Variants in KIF18A observed in about 807,000 individuals in gnomAD.
KIF18A encodes the protein kinesin family member 18A.
A neutral mutation model predicts 103.3 loss-of-function variants in KIF18A; 67 were observed. The observed-to-expected ratio is 0.65, with a 90% CI of 0.53 to 0.79. KIF18A has a LOEUF of 0.79. KIF18A is among the 30% of genes least tolerant of loss of function. KIF18A has a pLI of 0.00. For missense variants in KIF18A, 1,032 were observed against 1,062.5 expected (o/e 0.97, Z 0.40); for synonymous variants, 367 against 355.5 (o/e 1.03, Z -0.36).
chr11:28,064,072 T>A (rs1428748578), intron 11 of KIF18A, among the ~76,000 whole-genome samples: 1 of 151,282 alleles, frequency 6.6e-6, no homozygotes, highest in Non-Finnish European at 1.5e-5. Flanking sequence ...GTTATTTATA[T>A]ATATTAAAGT....
intron 1 of KIF18A, among the ~76,000 whole-genome samples, chr11:28,107,376 T>TA (rs201819577): frequency 2.2e-3 from 307 of 136,590 alleles, no homozygotes; most frequent in Middle Eastern, 3.8e-3. Flanking sequence ...AATGAGCTCC[T>TA]AAAAAAAAAA....
chr11:28,076,940 A>AAT, intron 10 of KIF18A, 67 bp downstream of exon 10: 1 of 791,914 alleles, frequency 1.3e-6, no homozygotes, highest in Non-Finnish European at 1.8e-6. Context: ...CTTCTGAAAA[A>AAT]AAAAAAAAAA....
chr11:28,083,747 G>A (rs1851194470), intron 7 of KIF18A, among the ~76,000 whole-genome samples: 2 of 152,086 alleles, frequency 1.3e-5, no homozygotes, highest in Admixed American at 6.6e-5. Flanking sequence ...TTACTCATCT[G>A]TAAAGTGGAG....
At chr11:28,029,895 CAGAG>C (rs1317324426) in intron 15 of KIF18A, among the ~76,000 whole-genome samples, 3 of 96,758 alleles carry the variant, frequency 3.1e-5, no homozygotes, top group African/African-American at 1.2e-4. Context: ...AACAGACAAA[CAGAG>C]AGACAAATCA....
rs113347800 is a variant in KIF18A, at chr11:28,074,983, T to C, written c.1425+2024A>G. Among the ~76,000 whole-genome samples the C allele has an allele frequency of 3.3e-5, 5 of 152,302 alleles. 1 individual carries two copies. Among genetic ancestry groups the C allele is most frequent in the African/African-American group, 1.2e-4 (5 of 41,570 alleles). On this transcript the variant is annotated intron_variant, in intron 10 of 16. Transcript: ENST00000263181. ...TATTTTTCTGATCTTTGGTGCTCCGTAGTTTCACACGTTTAGGTATATATT... is the reference window on the plus strand; with the variant it reads ...TATTTTTCTGATCTTTGGTGCTCCGCAGTTTCACACGTTTAGGTATATATT...
intron 13 of KIF18A, among the ~76,000 whole-genome samples, chr11:28,055,958 C>A (rs533270573): frequency 2.0e-5 from 3 of 152,162 alleles, no homozygotes; most frequent in African/African-American, 7.2e-5. Context: ...TACTAAAATT[C>A]ATGGATGCTC....
intron 13 of KIF18A, among the ~76,000 whole-genome samples, chr11:28,054,381 T>G (rs1850751770): frequency 6.6e-6 from 1 of 152,114 alleles, no homozygotes; most frequent in Non-Finnish European, 1.5e-5. Flanking sequence ...TTGCCAAGTT[T>G]TGTATTTTTT....
intron 13 of KIF18A, among the ~76,000 whole-genome samples, chr11:28,050,668 GATA>G (rs1263031143): frequency 6.6e-6 from 1 of 151,730 alleles, no homozygotes; most frequent in African/African-American, 2.4e-5. Context: ...TTTCCAGATG[GATA>G]ATGAGGAAAT....
chr11:28,032,761 C>A (rs1303621114), intron 15 of KIF18A, among the ~76,000 whole-genome samples: 1 of 151,720 alleles, frequency 6.6e-6, no homozygotes, highest in Admixed American at 6.6e-5. Context: ...AACTATGAAA[C>A]TGCTAAAAGA....
chr11:28,078,354 T>C (rs1261500101), intron 9 of KIF18A, among the ~76,000 whole-genome samples: 2 of 152,180 alleles, frequency 1.3e-5, no homozygotes, highest in Non-Finnish European at 2.9e-5. Flanking sequence ...GTAAATGAAT[T>C]GATAAGTTAT....
intron 13 of KIF18A, among the ~76,000 whole-genome samples, chr11:28,051,206 G>A (rs1382652892): frequency 6.6e-6 from 1 of 151,648 alleles, no homozygotes; most frequent in Admixed American, 6.6e-5. Flanking sequence ...AAATTATTCT[G>A]ATATTCATTT....
chr11:28,065,730 T>C (rs568623878), intron 11 of KIF18A, among the ~76,000 whole-genome samples: 2 of 152,144 alleles, frequency 1.3e-5, no homozygotes, highest in East Asian at 3.9e-4. Flanking sequence ...ACAATCGACT[T>C]TTTTGCCTGC....
chr11:28,090,511 A>C, intron 5 of KIF18A, 106 bp downstream of exon 5: 2 of 652,556 alleles, frequency 3.1e-6, no homozygotes, highest in Non-Finnish European at 5.4e-6. Flanking sequence ...TGACAAGTGA[A>C]GTCTACAGAC....
rs550182247 is a variant in KIF18A at position 28,091,116 on chromosome 11, C to T, written c.588+293G>A. ...ACAAAAATTAGCCAGTCTCATAGCCCGGTCACAAAATAAATAAATAAATAA... is the reference window on the plus strand; with the variant it reads ...ACAAAAATTAGCCAGTCTCATAGCCTGGTCACAAAATAAATAAATAAATAA... On this transcript the variant is annotated intron_variant, in intron 4 of 16. Transcript: ENST00000263181. Among the ~76,000 whole-genome samples, 451 of 146,318 alleles carry T rather than the reference C, an allele frequency of 3.1e-3. 2 individuals carry two copies. Among genetic ancestry groups the T allele is most frequent in the African/African-American group, 0.011 (432 of 39,174 alleles).
intron 9 of KIF18A, among the ~76,000 whole-genome samples, chr11:28,078,116 TA>T (rs1165341752): frequency 2.6e-5 from 4 of 151,866 alleles, no homozygotes; most frequent in African/African-American, 4.8e-5. Flanking sequence ...TACATGCATT[TA>T]AAAAAAATGT....
chr11:28,097,969 T>C lies in KIF18A; in HGVS notation c.-22A>G. ...ACATTGTTGATTATCTTGATTCCTA[T>C]CTGTATAAATACTTGAATACTTCTC... On this transcript the variant is annotated 5_prime_UTR_variant, in exon 2 of 17. Coordinates refer to ENST00000263181, the MANE Select transcript of KIF18A (RefSeq NM_031217.4). 2 of 1,491,622 alleles carry C rather than the reference T, an allele frequency of 1.3e-6. No homozygotes were observed. The highest frequency in any genetic ancestry group is 1.8e-6 in the Non-Finnish European group (2 of 1,105,694). The allele number at this position is 1,491,622 out of a possible 1,614,324, so 92.4% of individuals were successfully genotyped here.
chr11:28,031,197 A>T (rs1038174002), intron 15 of KIF18A, among the ~76,000 whole-genome samples: 3 of 152,172 alleles, frequency 2.0e-5, no homozygotes, highest in Admixed American at 6.6e-5. Context: ...TACCCAAAGG[A>T]TTATAAATCA....
rs1462597597 is a variant in KIF18A at position 28,031,462 on chromosome 11, A to G, written c.2504+3925T>C. On this transcript the variant is annotated intron_variant, in intron 15 of 16. Coordinates refer to ENST00000263181, the MANE Select transcript of KIF18A (RefSeq NM_031217.4). ...AACCAAACACCGCATGTTCTCACTC[A>G]TAGGTGGGAACTGAACAATGAGAAC... Among the ~76,000 whole-genome samples the G allele has an allele frequency of 2.0e-5, 3 of 152,204 alleles. No homozygotes were observed. The East Asian group carries it at 5.8e-4, about 29-fold the overall frequency.
At chr11:28,094,979 T>C (rs1851350601) in intron 2 of KIF18A, among the ~76,000 whole-genome samples, 179 bp from the exon 3 acceptor site, 1 of 152,156 alleles carries the variant, frequency 6.6e-6, no homozygotes, top group African/African-American at 2.4e-5. Flanking sequence ...CTCTTACTCC[T>C]ATGTTCTTTA....
Sources: gnomAD v4.1 joint callset for allele counts (sites outside exome capture counted in the v4.1 genomes callset) on GRCh38, gnomAD v4.1.1 for gene constraint, MANE v1.5 for transcripts, NCBI Gene and HGNC (gene_info 2026-07-23, HGNC 2026-07-21) for gene names.